RHOBTB2: variants seen among roughly 807,000 people sequenced by gnomAD.
RHOBTB2 encodes Rho related BTB domain containing 2.
A neutral mutation model predicts 66.5 loss-of-function variants in RHOBTB2; 39 were observed. The observed-to-expected ratio is 0.59, with a 90% CI of 0.45 to 0.77. RHOBTB2 has a LOEUF of 0.77. Among genes scored for constraint, RHOBTB2 ranks in the 30% least tolerant of loss-of-function variants. The probability of loss-of-function intolerance (pLI) is 0.00; values close to 1 mark genes in which losing one functional copy is unlikely to be tolerated. For missense variants in RHOBTB2, 755 were observed against 999.1 expected (o/e 0.76, Z 3.29); for synonymous variants, 390 against 395.0 (o/e 0.99, Z 0.15).
At chr8:22,995,343 T>C (rs1345769142), upstream of RHOBTB2, among the ~76,000 whole-genome samples, 2 of 151,832 alleles carry the variant, frequency 1.3e-5, no homozygotes, top group Non-Finnish European at 2.9e-5. Context: ...TCCCAGGGAG[T>C]TCTCAGTACA....
At position 23,004,060 on chromosome 8, in the gene RHOBTB2, A is replaced by C. The variant is rs1264072093; in HGVS notation, c.-10-365A>C. The C allele has an allele frequency of 3.1e-5, 10 of 319,134 alleles. No homozygotes were observed. The highest frequency in any genetic ancestry group is 8.2e-5 in the East Asian group (1 of 12,238). The allele number at this position is 319,134 out of a possible 1,614,324, so 19.8% of individuals were successfully genotyped here. On this transcript the variant is annotated intron_variant, in intron 1 of 9. Transcript: ENST00000251822. The surrounding 1 kb of genome is among the most constrained non-coding windows in gnomAD (Gnocchi z 6.4). ...TCTGCTGCCACTGCTCTGCCGGGGA[A>C]GGAGGAGGAGAGCAGATGAGTGAGC...
chr8:22,962,022 G>T, the RHOBTB2 span, among the ~76,000 whole-genome samples: 2 of 151,828 alleles, frequency 1.3e-5, no homozygotes, highest in African/African-American at 2.4e-5. Flanking sequence ...AAAGCCAGGT[G>T]CAGTTGCTGG....
chr8:23,003,481 G>C (rs1256190497), intron 1 of RHOBTB2, among the ~76,000 whole-genome samples: 1 of 152,220 alleles, frequency 6.6e-6, no homozygotes, highest in African/African-American at 2.4e-5. Context: ...CATCACCTAG[G>C]AGTGCCAGCT....
chr8:22,967,821 G>A, the RHOBTB2 span, among the ~76,000 whole-genome samples: 5 of 151,968 alleles, frequency 3.3e-5, no homozygotes, highest in South Asian at 4.2e-4. Flanking sequence ...ACAACAATGC[G>A]AATGTGTAGT....
chr8:22,971,518 C>T, the RHOBTB2 span, among the ~76,000 whole-genome samples: 1 of 152,086 alleles, frequency 6.6e-6, no homozygotes, highest in Admixed American at 6.6e-5. Context: ...CTTGGAAGAG[C>T]AACCTGCACG....
chr8:23,006,471 T>G lies in RHOBTB2; in HGVS notation c.483-257T>G. The G allele has an allele frequency of 1.8e-6, 1 of 566,502 alleles. No homozygotes were observed. Among genetic ancestry groups the G allele is most frequent in the Non-Finnish European group, 3.1e-6 (1 of 319,692 alleles). The allele number at this position is 566,502 out of a possible 1,614,324, so 35.1% of individuals were successfully genotyped here. A position where few individuals can be genotyped will look rare whatever the true frequency, so the allele number is the denominator to read the frequency against. Reference sequence around the variant, plus strand: ...CCCATGTGAAGCATTGCCTGCTAATTGCCAGAGAGGCAGTGCTGTCACGGC... The same window carrying G: ...CCCATGTGAAGCATTGCCTGCTAATGGCCAGAGAGGCAGTGCTGTCACGGC... On this transcript the variant is annotated intron_variant, in intron 4 of 9. Coordinates refer to ENST00000251822, the MANE Select transcript of RHOBTB2 (RefSeq NM_015178.3). This position sits in a 1 kb window ranked among gnomAD's most constrained non-coding sequence, Gnocchi z 6.1.
chr8:23,009,622 C>A (rs1811076999), intron 6 of RHOBTB2, among the ~76,000 whole-genome samples: 1 of 152,182 alleles, frequency 6.6e-6, no homozygotes, highest in Admixed American at 6.5e-5. Context: ...GGGAAATGCT[C>A]ACCAAATGCT....
rs574939617 is a variant in RHOBTB2, at chr8:23,006,234, C to T, written c.482+89C>T. The T allele has an allele frequency of 4.9e-5, 55 of 1,114,972 alleles. No homozygotes were observed. The African/African-American group carries it at 7.1e-4, about 14-fold the overall frequency. 69.1% of individuals were successfully genotyped at this position (1,114,972 alleles called of 1,614,324 possible). ...GCCCTGGGGGAATTCCACTGAGCCT[C>T]ATATCTCTCCCTCCATTTGGAGCAA... is the stretch of plus-strand genomic sequence containing the variant. On this transcript the variant is annotated intron_variant, in intron 4 of 9. Coordinates refer to ENST00000251822, the MANE Select transcript of RHOBTB2 (RefSeq NM_015178.3). The surrounding 1 kb of genome is among the most constrained non-coding windows in gnomAD (Gnocchi z 6.1).
chr8:22,985,435 G>A (rs916592097), upstream of RHOBTB2, among the ~76,000 whole-genome samples: 5 of 152,220 alleles, frequency 3.3e-5, no homozygotes, highest in East Asian at 1.9e-4. Flanking sequence ...GAGGCTGCAC[G>A]TCTGTCCACA....
rs1811337891 is a variant in RHOBTB2, at chr8:23,017,697, G to A, written c.*228G>A. The A allele has an allele frequency of 1.1e-5, 7 of 616,264 alleles. No homozygotes were observed. The highest frequency in any genetic ancestry group is 6.0e-5 in the Admixed American group (2 of 33,364). The allele number at this position is 616,264 out of a possible 1,614,324, so 38.2% of individuals were successfully genotyped here. ...GAGGTCCCCAGACCCAAAGCAGGACGGGAGACAACTGCTTGGAGGAGCGAA... is the reference window on the plus strand; with the variant it reads ...GAGGTCCCCAGACCCAAAGCAGGACAGGAGACAACTGCTTGGAGGAGCGAA... On this transcript the variant is annotated 3_prime_UTR_variant, in exon 10 of 10. Coordinates refer to ENST00000251822, the MANE Select transcript of RHOBTB2 (RefSeq NM_015178.3). This position sits in a 1 kb window ranked among gnomAD's most constrained non-coding sequence, Gnocchi z 5.3.
At chr8:22,989,672 TA>T (rs1302919485) in intron 1 of RHOBTB2, among the ~76,000 whole-genome samples, 1 of 152,148 alleles carries the variant, frequency 6.6e-6, no homozygotes, top group Non-Finnish European at 1.5e-5. Flanking sequence ...AGGCCAGAGG[TA>T]AAAGCTGGCA....
At position 23,007,596 on chromosome 8, in the gene RHOBTB2, A is replaced by G; in HGVS notation, c.1351A>G (p.Ile451Val). ...NERDLMHIAH[I>V]AELLEVFDLR... ...GCGTGACCTCATGCACATTGCCCAC[A>G]TTGCTGAGCTGCTCGAGGTCTTTGA... Residue 451 changes from isoleucine to valine, a missense_variant, in exon 5 of 10, where the codon ATT becomes GTT. Ile to Val is a conservative substitution (Grantham distance 29). Transcript: ENST00000251822. 2 of 1,614,176 alleles carry G rather than the reference A, an allele frequency of 1.2e-6. No homozygotes were observed. Among genetic ancestry groups the G allele is most frequent in the Non-Finnish European group, 8.5e-7 (1 of 1,180,036 alleles).
chr8:23,008,726 G>C (rs570102630), intron 6 of RHOBTB2, among the ~76,000 whole-genome samples: 20 of 152,298 alleles, frequency 1.3e-4, no homozygotes, highest in Non-Finnish European at 8.8e-5. Flanking sequence ...CTGTGGGAGG[G>C]AATGGGCGAG....
rs1810902297 is a variant in RHOBTB2, at chr8:23,004,935, T to G, written c.192+309T>G. The G allele has an allele frequency of 2.2e-6, 1 of 459,078 alleles. No individual in the cohort carries two copies. Among genetic ancestry groups the G allele is most frequent in the African/African-American group, 2.0e-5 (1 of 50,838 alleles). The allele number at this position is 459,078 out of a possible 1,614,324, so 28.4% of individuals were successfully genotyped here. A position where few individuals can be genotyped will look rare whatever the true frequency, so the allele number is the denominator to read the frequency against. On this transcript the variant is annotated intron_variant, in intron 2 of 9. Coordinates refer to ENST00000251822, the MANE Select transcript of RHOBTB2 (RefSeq NM_015178.3). The surrounding 1 kb of genome is among the most constrained non-coding windows in gnomAD (Gnocchi z 6.4). ...ATGGGGAGCACTGGAGGGCTGGGGC[T>G]TGGAAGAGATACAAGCTGAGAGGAG...
upstream of RHOBTB2, among the ~76,000 whole-genome samples, chr8:22,995,277 C>T (rs1810517639): frequency 6.6e-6 from 1 of 152,106 alleles, no homozygotes; most frequent in Non-Finnish European, 1.5e-5. Context: ...GAGCAGGAAC[C>T]TTGTCTGAGG....
In RHOBTB2 at chr8:23,017,434, T is replaced by G. The variant is rs1162263255; in HGVS notation, c.2149T>G (p.Ser717Ala). The G allele has an allele frequency of 6.2e-7, 1 of 1,606,564 alleles. No individual in the cohort carries two copies. Among genetic ancestry groups the G allele is most frequent in the Non-Finnish European group, 8.5e-7 (1 of 1,176,470 alleles). Reference protein sequence around the residue: ...PSSPSSSAASSSSPSSSSAVV With the variant: ...PSSPSSSAASASSPSSSSAVV ...CTCCCCGTCTTCCTCGGCAGCCTCC[T>G]CCTCATCCCCATCTTCCTCCTCGGC... is the stretch of plus-strand genomic sequence containing the variant. The change falls in exon 10 of 10, where the codon TCC becomes GCC. Residue 717 changes from serine (S) to alanine (A), a missense_variant. Around this residue, in one of 7 missense-constraint regions of RHOBTB2, gnomAD observed 353 missense variants for 458.2 expected, o/e 0.77. Transcript: ENST00000251822. The surrounding 1 kb of genome is among the most constrained non-coding windows in gnomAD (Gnocchi z 5.3).
chr8:22,956,964 G>A, the RHOBTB2 span, among the ~76,000 whole-genome samples: 3 of 152,090 alleles, frequency 2.0e-5, no homozygotes, highest in Admixed American at 6.5e-5. Flanking sequence ...CCAGCCTCAG[G>A]TATTTCTTTA....
chr8:22,979,825 G>T, the RHOBTB2 span, among the ~76,000 whole-genome samples: 4 of 137,072 alleles, frequency 2.9e-5, no homozygotes, highest in Non-Finnish European at 6.1e-5. Flanking sequence ...TGGAGCGATC[G>T]CAGCTCACTG....
the RHOBTB2 span, among the ~76,000 whole-genome samples, chr8:22,963,075 T>C: frequency 6.6e-6 from 1 of 152,126 alleles, no homozygotes; most frequent in Non-Finnish European, 1.5e-5. Flanking sequence ...AGAGACTATA[T>C]AGCAGGGCTG....
Sources: gnomAD v4.1 joint callset for allele counts (sites outside exome capture counted in the v4.1 genomes callset) on GRCh38, gnomAD v4.1.1 for gene constraint, gnomAD v4.1.1 regional missense constraint, Gnocchi (gnomAD v3.1) non-coding constraint, MANE v1.5 for transcripts, NCBI Gene and HGNC (gene_info 2026-07-23, HGNC 2026-07-21) for gene names.